Variants in CAST observed in about 807,000 individuals in gnomAD.
CAST encodes the protein calpastatin.
In CAST, 76 loss-of-function variants were observed where a neutral mutation model predicts 119.6. That is an observed-to-expected ratio of 0.64 (90% CI 0.53 to 0.77). The LOEUF (loss-of-function observed/expected upper bound fraction) is 0.77, where lower values mean the gene tolerates loss of function less well. Among genes scored for constraint, CAST ranks in the 30% least tolerant of loss-of-function variants. The pLI is 0.00. For missense variants in CAST, 953 were observed against 946.5 expected (o/e 1.01, Z -0.09); for synonymous variants, 319 against 331.6 (o/e 0.96, Z 0.41).
At chr5:96,038,475 A>G in the CAST span, among the ~76,000 whole-genome samples, 4 of 151,900 alleles carry the variant, frequency 2.6e-5, no homozygotes, top group African/African-American at 9.7e-5. Context: ...GCACCCATCA[A>G]TTTGTCACCG....
the CAST span, among the ~76,000 whole-genome samples, chr5:96,061,849 C>CA: frequency 2.0e-5 from 3 of 152,096 alleles, no homozygotes; most frequent in Non-Finnish European, 2.9e-5. Flanking sequence ...ATTTGTATTA[C>CA]ATGTTAATCT....
upstream of CAST, among the ~76,000 whole-genome samples, chr5:96,527,132 A>G (rs953121569): frequency 2.0e-5 from 3 of 152,160 alleles, no homozygotes; most frequent in East Asian, 5.8e-4. Context: ...TTAAATATAC[A>G]TTTATCTCAG....
chr5:96,586,194 G>T (rs1746856445), intron 1 of CAST, among the ~76,000 whole-genome samples: 1 of 152,186 alleles, frequency 6.6e-6, no homozygotes, highest in African/African-American at 2.4e-5. Context: ...ACTAGGTGGT[G>T]GTAGCACTAG....
the CAST span, among the ~76,000 whole-genome samples, chr5:96,251,903 A>C: frequency 6.6e-6 from 1 of 152,152 alleles, no homozygotes; most frequent in African/African-American, 2.4e-5. Flanking sequence ...GCCAAATTAA[A>C]GACTATACTT....
intron 2 of CAST, among the ~76,000 whole-genome samples, chr5:96,682,207 T>C (rs1320356986): frequency 3.3e-5 from 5 of 152,238 alleles, no homozygotes; most frequent in Non-Finnish European, 5.9e-5. Context: ...ACTGTAATTC[T>C]GACATTAGAC....
At chr5:95,980,428 CA>C in the CAST span, 1 of 152,166 alleles carries the variant, frequency 6.6e-6, no homozygotes, top group African/African-American at 2.4e-5. Flanking sequence ...ATGCATCTGC[CA>C]AATACAGCCT....
At chr5:96,366,808 G>C in the CAST span, among the ~76,000 whole-genome samples, 1 of 152,164 alleles carries the variant, frequency 6.6e-6, no homozygotes, top group Non-Finnish European at 1.5e-5. Context: ...TTTATCATCT[G>C]AAGCCTTCTT....
At chr5:96,422,519 G>A in the CAST span, among the ~76,000 whole-genome samples, 3 of 152,130 alleles carry the variant, frequency 2.0e-5, no homozygotes, top group Non-Finnish European at 2.9e-5. Flanking sequence ...CAACCCAATA[G>A]CTACACTTAA....
chr5:96,481,887 A>T, the CAST span, among the ~76,000 whole-genome samples: 1 of 152,170 alleles, frequency 6.6e-6, no homozygotes, highest in South Asian at 2.1e-4. Flanking sequence ...AAAAGTAATA[A>T]TCACAATCAC....
intron 1 of CAST, among the ~76,000 whole-genome samples, chr5:96,609,365 T>G (rs1747318195): frequency 6.6e-6 from 1 of 152,204 alleles, no homozygotes; most frequent in South Asian, 2.1e-4. Context: ...AGACATGAAG[T>G]AGAAATATAG....
At chr5:96,024,176 GAA>G in the CAST span, among the ~76,000 whole-genome samples, 3 of 152,128 alleles carry the variant, frequency 2.0e-5, no homozygotes, top group Admixed American at 6.5e-5. Context: ...TAGAATAGTA[GAA>G]AAGTTTATTT....
At position 96,746,335 on chromosome 5, in the gene CAST, T is replaced by G. The variant is rs767167717; in HGVS notation, c.1201-7T>G. ...ACTACTTTTTTTTTCCCCTCCATTT[T>G]CATCAGGCAAAAGCTAAAGAAGAAA... On this transcript the variant is annotated splice_polypyrimidine_tract_variant and splice_region_variant and intron_variant, in intron 16 of 31. Coordinates refer to ENST00000675179, the MANE Select transcript of CAST (RefSeq NM_001750.7). 16 of 1,574,904 alleles carry G rather than the reference T, an allele frequency of 1.0e-5. No individual in the cohort carries two copies. The South Asian group carries it at 1.8e-4, about 17-fold the overall frequency.
chr5:96,636,321 C>T (rs1047864830), intron 1 of CAST, among the ~76,000 whole-genome samples: 2 of 152,194 alleles, frequency 1.3e-5, no homozygotes, highest in African/African-American at 4.8e-5. Context: ...GGGATGGACT[C>T]ATTACTAGTG....
chr5:96,716,404 A>G (rs1268147335), intron 3 of CAST, among the ~76,000 whole-genome samples: 1 of 152,248 alleles, frequency 6.6e-6, no homozygotes, highest in Non-Finnish European at 1.5e-5. Context: ...CGATCAAATA[A>G]TAAAACTCAG....
At chr5:96,343,316 T>C in the CAST span, among the ~76,000 whole-genome samples, 1 of 152,174 alleles carries the variant, frequency 6.6e-6, no homozygotes, top group Non-Finnish European at 1.5e-5. Flanking sequence ...TAACCAAAGA[T>C]AGGAAAATGA....
At chr5:96,765,904 C>G in intron 26 of CAST, 149 bp from the exon 27 acceptor site, 1 of 525,050 alleles carries the variant, frequency 1.9e-6, no homozygotes, top group Non-Finnish European at 3.4e-6. Flanking sequence ...TTGAAGTCAT[C>G]TGTGTTGTTC....
At chr5:95,975,797 C>G in the CAST span, among the ~76,000 whole-genome samples, 1 of 152,180 alleles carries the variant, frequency 6.6e-6, no homozygotes, top group Non-Finnish European at 1.5e-5. Flanking sequence ...GCATGGTCTA[C>G]CTAGGGAATT....
the CAST span, among the ~76,000 whole-genome samples, chr5:96,500,958 A>G: frequency 6.6e-6 from 1 of 152,362 alleles, no homozygotes; most frequent in South Asian, 2.1e-4. Context: ...TTAGGTGACA[A>G]GAAATGCCTG....
the CAST span, among the ~76,000 whole-genome samples, chr5:96,344,372 C>T: frequency 6.6e-6 from 1 of 151,942 alleles, no homozygotes; most frequent in African/African-American, 2.4e-5. Flanking sequence ...TTTTTTTTCT[C>T]ATGTACTAAT....
Sources: gnomAD v4.1 joint callset for allele counts (sites outside exome capture counted in the v4.1 genomes callset) on GRCh38, gnomAD v4.1.1 for gene constraint, MANE v1.5 for transcripts, NCBI Gene and HGNC (gene_info 2026-07-23, HGNC 2026-07-21) for gene names.